Variants in HS6ST3 observed in about 807,000 individuals in gnomAD.
HS6ST3 encodes heparan-sulfate 6-O-sulfotransferase 3.
A neutral mutation model predicts 36.7 loss-of-function variants in HS6ST3; 12 were observed. The ratio of observed to expected loss-of-function variants is 0.33; its 90% CI spans 0.21 to 0.53. HS6ST3 has a LOEUF of 0.53. HS6ST3 is among the 20% of genes least tolerant of loss of function. The pLI is 0.95. For missense variants in HS6ST3, 584 were observed against 640.9 expected, an observed-to-expected ratio of 0.91 and a Z score of 0.96; for synonymous variants, 240 against 257.5, an observed-to-expected ratio of 0.93 and a Z score of 0.65.
chr13:96,112,222 A>C (rs2053871690), intron 1 of HS6ST3, among the ~76,000 whole-genome samples: 1 of 152,186 alleles, frequency 6.6e-6, no homozygotes, highest in Non-Finnish European at 1.5e-5. Context: ...AGTTTCCCAC[A>C]ATATTTAGAA....
At chr13:96,152,398 A>C (rs555879468) in intron 1 of HS6ST3, among the ~76,000 whole-genome samples, 18 of 136,390 alleles carry the variant, frequency 1.3e-4, no homozygotes, top group South Asian at 2.3e-4. Context: ...AGTGCAGTGG[A>C]GCGATCTCAG....
chr13:96,829,954 T>C (rs975080390), intron 1 of HS6ST3, among the ~76,000 whole-genome samples: 2 of 152,212 alleles, frequency 1.3e-5, no homozygotes, highest in Admixed American at 1.3e-4. Flanking sequence ...AAGTCTCTGA[T>C]TTATGAGGGC....
At chr13:96,658,255 TTC>T (rs1204461588) in intron 1 of HS6ST3, among the ~76,000 whole-genome samples, 7 of 146,784 alleles carry the variant, frequency 4.8e-5, no homozygotes, top group African/African-American at 1.3e-4. Context: ...CTTCTTCTTC[TTC>T]TCTTCTTCTT....
intron 1 of HS6ST3, among the ~76,000 whole-genome samples, chr13:96,622,686 C>G (rs1173090462): frequency 6.6e-6 from 1 of 152,120 alleles, no homozygotes; most frequent in African/African-American, 2.4e-5. Flanking sequence ...TTAAATATGG[C>G]TTCTTTTGAA....
intron 1 of HS6ST3, among the ~76,000 whole-genome samples, chr13:96,421,301 C>T (rs2055561021): frequency 6.6e-6 from 1 of 152,108 alleles, no homozygotes; most frequent in African/African-American, 2.4e-5. Flanking sequence ...TGTTTTGTCA[C>T]CAATTCATTA....
chr13:96,284,267 C>T (rs1306421891), intron 1 of HS6ST3, among the ~76,000 whole-genome samples: 3 of 152,050 alleles, frequency 2.0e-5, no homozygotes, highest in Admixed American at 2.0e-4. Flanking sequence ...AGTATTGACT[C>T]ACACAATCAC....
intron 1 of HS6ST3, among the ~76,000 whole-genome samples, chr13:96,264,884 A>T (rs2054684096): frequency 6.6e-6 from 1 of 152,338 alleles, no homozygotes; most frequent in Admixed American, 6.5e-5. Context: ...TAAAAGTTCT[A>T]ATTAAGCAGT....
At chr13:96,164,772 G>A (rs2054153015) in intron 1 of HS6ST3, among the ~76,000 whole-genome samples, 1 of 152,066 alleles carries the variant, frequency 6.6e-6, no homozygotes, top group East Asian at 1.9e-4. Flanking sequence ...AAACCTGTGG[G>A]TTTCCTGTCT....
chr13:96,244,571 A>G (rs540362647), intron 1 of HS6ST3, among the ~76,000 whole-genome samples: 1 of 152,214 alleles, frequency 6.6e-6, no homozygotes, highest in Non-Finnish European at 1.5e-5. Context: ...CTATCACAAT[A>G]CAAAGCAAAC....
intron 1 of HS6ST3, among the ~76,000 whole-genome samples, chr13:96,354,076 G>A (rs2055197973): frequency 1.3e-5 from 2 of 152,128 alleles, no homozygotes; most frequent in African/African-American, 2.4e-5. Context: ...TTAATATTGC[G>A]CTATTGCTTG....
At chr13:96,773,387 T>G (rs1877314445) in intron 1 of HS6ST3, among the ~76,000 whole-genome samples, 1 of 148,010 alleles carries the variant, frequency 6.8e-6, no homozygotes, top group South Asian at 2.1e-4. Flanking sequence ...GGGCCCCCTA[T>G]GGAGCCCCCT....
At chr13:96,206,928 G>A (rs1056929571) in intron 1 of HS6ST3, among the ~76,000 whole-genome samples, 8 of 152,224 alleles carry the variant, frequency 5.3e-5, no homozygotes, top group Admixed American at 5.2e-4. Flanking sequence ...AAGGCCAAAA[G>A]CAATTGCAAG....
At chr13:96,245,601 C>T (rs1459379682) in intron 1 of HS6ST3, among the ~76,000 whole-genome samples, 1 of 152,090 alleles carries the variant, frequency 6.6e-6, no homozygotes, top group Non-Finnish European at 1.5e-5. Context: ...TATCCTTTTT[C>T]CGATGCTAAG....
At chr13:96,583,205 T>TTTC in intron 1 of HS6ST3, among the ~76,000 whole-genome samples, 2 of 13,252 alleles carry the variant, frequency 1.5e-4, no homozygotes, top group Non-Finnish European at 3.1e-4. Context: ...TTTTCTTTTC[T>TTTC]TTTTTTTTTT....
At chr13:96,801,492 T>C (rs531284026) in intron 1 of HS6ST3, among the ~76,000 whole-genome samples, 81 of 152,212 alleles carry the variant, frequency 5.3e-4, no homozygotes, top group Middle Eastern at 3.4e-3. Flanking sequence ...TGAAAACAGC[T>C]GTCAGGGTTG....
intron 1 of HS6ST3, among the ~76,000 whole-genome samples, chr13:96,338,456 T>C (rs1454000188): frequency 6.6e-6 from 1 of 152,192 alleles, no homozygotes; most frequent in Non-Finnish European, 1.5e-5. Context: ...TCTTTCTGTC[T>C]CCAAGGTAAT....
At chr13:96,762,619 C>T (rs1331486670) in intron 1 of HS6ST3, among the ~76,000 whole-genome samples, 2 of 152,146 alleles carry the variant, frequency 1.3e-5, no homozygotes, top group Non-Finnish European at 2.9e-5. Context: ...TCTGTGTAGG[C>T]TCCAGCTGGA....
chr13:96,237,082 G>T (rs1369204035), intron 1 of HS6ST3, among the ~76,000 whole-genome samples: 1 of 152,156 alleles, frequency 6.6e-6, no homozygotes, highest in Non-Finnish European at 1.5e-5. Context: ...ATGAGAAGTT[G>T]CTCAGGAGAA....
intron 1 of HS6ST3, among the ~76,000 whole-genome samples, chr13:96,283,200 T>C (rs562229314): frequency 6.6e-6 from 1 of 152,342 alleles, no homozygotes; most frequent in South Asian, 2.1e-4. Context: ...TATTTGTATA[T>C]TTGTTTCATT....
Sources: gnomAD v4.1 joint callset for allele counts (sites outside exome capture counted in the v4.1 genomes callset) on GRCh38, gnomAD v4.1.1 for gene constraint, MANE v1.5 for transcripts, NCBI Gene and HGNC (gene_info 2026-07-23, HGNC 2026-07-21) for gene names.